Variants in COL6A5 observed in about 807,000 individuals in gnomAD.
COL6A5 encodes the protein collagen type VI alpha 5 chain.
In COL6A5, 48 loss-of-function variants were observed where a neutral mutation model predicts 65.6. The ratio of observed to expected loss-of-function variants is 0.73; its 90% CI spans 0.58 to 0.93. The LOEUF is 0.93. Among genes scored for constraint, COL6A5 ranks in the 40% least tolerant of loss-of-function variants. The probability of loss-of-function intolerance (pLI) is 0.00; values close to 1 mark genes in which losing one functional copy is unlikely to be tolerated. For synonymous variants in COL6A5, 291 were observed against 322.8 expected (o/e 0.90, Z 1.05); for missense variants, 914 against 928.3 (o/e 0.98, Z 0.20).
At chr3:130,475,820 G>A (rs1294244787) in intron 7 of COL6A5, among the ~76,000 whole-genome samples, 1 of 152,132 alleles carries the variant, frequency 6.6e-6, no homozygotes, top group Non-Finnish European at 1.5e-5. Context: ...TGTCTGTGAG[G>A]TAATTTCATA....
chr3:130,445,890 G>A (rs1468223436), intron 4 of COL6A5, among the ~76,000 whole-genome samples: 1 of 152,084 alleles, frequency 6.6e-6, no homozygotes, highest in Non-Finnish European at 1.5e-5. Flanking sequence ...TACTGCATGT[G>A]AGTTAACACA....
chr3:130,443,318 AT>A (rs2107705554), intron 3 of COL6A5, among the ~76,000 whole-genome samples, 157 bp from the exon 36 acceptor site: 1 of 152,220 alleles, frequency 6.6e-6, no homozygotes, highest in East Asian at 1.9e-4. Context: ...TTTGAGTGCT[AT>A]TTCTAACTGC....
chr3:130,423,404 A>G (rs1258169183), intron 28 of COL6A5, among the ~76,000 whole-genome samples: 2 of 152,128 alleles, frequency 1.3e-5, no homozygotes, highest in Non-Finnish European at 2.9e-5. Context: ...GGCTGGATAA[A>G]TTTCATTAGT....
chr3:130,457,505 C>G (rs1248336672), intron 5 of COL6A5, among the ~76,000 whole-genome samples: 1 of 151,944 alleles, frequency 6.6e-6, no homozygotes, highest in Non-Finnish European at 1.5e-5. Flanking sequence ...TCCCATTTGG[C>G]TGAAGAAATA....
chr3:130,453,435 A>G (rs1709494340), intron 4 of COL6A5, among the ~76,000 whole-genome samples: 1 of 152,042 alleles, frequency 6.6e-6, no homozygotes, highest in Non-Finnish European at 1.5e-5. Flanking sequence ...ATCAAAACCC[A>G]TAGTTGTTTT....
At chr3:130,458,874 A>T (rs939136335) in intron 5 of COL6A5, among the ~76,000 whole-genome samples, 1 of 152,140 alleles carries the variant, frequency 6.6e-6, no homozygotes, top group Admixed American at 6.6e-5. Flanking sequence ...CCTTCTAATT[A>T]CTTGCCAACA....
intron 3 of COL6A5, among the ~76,000 whole-genome samples, chr3:130,442,221 T>A (rs1357523976): frequency 6.6e-6 from 1 of 152,160 alleles, no homozygotes; most frequent in Non-Finnish European, 1.5e-5. Context: ...TTGAAAGAGT[T>A]CTTTTGGATG....
chr3:130,433,613 T>G (rs1937911483), intron 1 of COL6A5, among the ~76,000 whole-genome samples: 1 of 152,070 alleles, frequency 6.6e-6, no homozygotes, highest in Non-Finnish European at 1.5e-5. Context: ...CCTCTCTCAA[T>G]TCCCTCCTTC....
chr3:130,421,296 G>A, intron 26 of COL6A5, 29 bp from the exon 27 acceptor site: 1 of 1,550,192 alleles, frequency 6.5e-7, no homozygotes, highest in Middle Eastern at 1.7e-4. Context: ...ATATGTTGAT[G>A]TATTTATGTT....
rs1387303048 is a variant in COL6A5 at position 130,391,771 on chromosome 3, A to G, written c.2992+17A>G. The G allele has an allele frequency of 1.3e-6, 2 of 1,520,750 alleles. No homozygotes were observed. Among genetic ancestry groups the G allele is most frequent in the East Asian group, 2.5e-5 (1 of 40,690 alleles). 94.2% of individuals were successfully genotyped at this position (1,520,750 alleles called of 1,614,324 possible). ...CACCAGAGGGTAAGTTGTTACTTTT[A>G]AAGTTTCTATGGGGGTAGCAATAAA... On this transcript the variant is annotated intron_variant and NMD_transcript_variant, in intron 7 of 41. Coordinates refer to the COL6A5 transcript ENST00000312481.
At chr3:130,376,967 A>G (rs1559866320) in intron 3 of COL6A5, 131 bp downstream of exon 3, 2 of 1,006,552 alleles carry the variant, frequency 2.0e-6, no homozygotes, top group East Asian at 5.3e-5. Flanking sequence ...TCTACACATC[A>G]TACCTACTCG....
At chr3:130,405,869 C>CAG in intron 14 of COL6A5, 124 bp from the exon 15 acceptor site, 1 of 1,032,604 alleles carries the variant, frequency 9.7e-7, no homozygotes, top group East Asian at 2.6e-5. Context: ...GCATCTCTAA[C>CAG]CTCTTTGTAG....
At chr3:130,356,853 C>T (rs1193977608) in intron 1 of COL6A5, among the ~76,000 whole-genome samples, 1 of 152,094 alleles carries the variant, frequency 6.6e-6, no homozygotes, top group African/African-American at 2.4e-5. Flanking sequence ...ATGCTGTACT[C>T]AGGAAAATGC....
intron 1 of COL6A5, among the ~76,000 whole-genome samples, chr3:130,367,840 T>G (rs1935397500): frequency 6.6e-6 from 1 of 152,232 alleles, no homozygotes; most frequent in Non-Finnish European, 1.5e-5. Context: ...CAGGCAAAGA[T>G]TCTATTCTTA....
chr3:130,439,373 G>GTC (rs1709114575), intron 1 of COL6A5, 149 bp from the exon 34 acceptor site: 1 of 555,920 alleles, frequency 1.8e-6, no homozygotes, highest in African/African-American at 1.9e-5. Flanking sequence ...GTGTGTGTGT[G>GTC]TGTGTGAACA....
At chr3:130,449,778 A>G (rs1368824001) in intron 4 of COL6A5, among the ~76,000 whole-genome samples, 2 of 152,170 alleles carry the variant, frequency 1.3e-5, no homozygotes, top group East Asian at 3.9e-4. Flanking sequence ...AGTAAAAGCA[A>G]TTGAGCAATT....
chr3:130,451,119 G>A (rs532158066), intron 4 of COL6A5, among the ~76,000 whole-genome samples: 1 of 152,262 alleles, frequency 6.6e-6, no homozygotes, highest in East Asian at 1.9e-4. Flanking sequence ...TCCTTAAACT[G>A]TTTTAAAAAG....
intron 5 of COL6A5, among the ~76,000 whole-genome samples, chr3:130,467,949 G>A (rs982716543): frequency 2.6e-5 from 4 of 151,890 alleles, no homozygotes; most frequent in African/African-American, 9.7e-5. Flanking sequence ...TCCTGTTGAC[G>A]CCTCACCAAT....
At chr3:130,375,259 A>G (rs546137245) in intron 2 of COL6A5, among the ~76,000 whole-genome samples, 4 of 152,246 alleles carry the variant, frequency 2.6e-5, no homozygotes, top group South Asian at 4.1e-4. Context: ...GGTTCTGCCT[A>G]CAACCTTCTG....
Sources: allele counts gnomAD v4.1 joint callset (sites outside exome capture counted in the v4.1 genomes callset), GRCh38; gene constraint gnomAD v4.1.1; transcripts MANE v1.5; gene names NCBI Gene and HGNC (gene_info 2026-07-23, HGNC 2026-07-21).